Variants in FUBP1 observed in about 807,000 individuals in gnomAD.
FUBP1 encodes far upstream element-binding protein 1.
A neutral mutation model predicts 94.9 loss-of-function variants in FUBP1; 16 were observed. That is an observed-to-expected ratio of 0.17 (90% CI 0.11 to 0.26). FUBP1 has a LOEUF of 0.26. Ranked by LOEUF, FUBP1 falls within the 10% of genes least tolerant of loss-of-function variation. The pLI is 1.00. For missense variants in FUBP1, 583 were observed against 808.6 expected (o/e 0.72, Z 3.38); for synonymous variants, 279 against 254.9 (o/e 1.09, Z -0.90).
At chr1:77,976,961 T>G (rs146502909) in intron 1 of FUBP1, among the ~76,000 whole-genome samples, 2 of 152,196 alleles carry the variant, frequency 1.3e-5, no homozygotes, top group African/African-American at 4.8e-5. Flanking sequence ...GCATGCTGCT[T>G]CTTTTCTTCA....
intron 18 of FUBP1, among the ~76,000 whole-genome samples, chr1:77,952,995 G>C (rs1482107474): frequency 6.6e-6 from 1 of 151,584 alleles, no homozygotes; most frequent in Admixed American, 6.6e-5. Context: ...AAAATTAGCT[G>C]GGTGTGGTTG....
At chr1:77,977,243 C>G (rs905294656) in intron 1 of FUBP1, among the ~76,000 whole-genome samples, 2 of 152,238 alleles carry the variant, frequency 1.3e-5, no homozygotes, top group Non-Finnish European at 2.9e-5. Flanking sequence ...CGCAGCGGCT[C>G]ACGCCTGTAA....
chr1:77,960,116 G>T (rs1021705819), intron 16 of FUBP1, 68 bp downstream of exon 16: 1 of 1,154,052 alleles, frequency 8.7e-7, no homozygotes, highest in African/African-American at 1.5e-5. Context: ...ATCAACACTA[G>T]AAAATTTAAT....
At chr1:77,968,021 G>A in intron 3 of FUBP1, 144 bp downstream of exon 3, 1 of 570,376 alleles carries the variant, frequency 1.8e-6, no homozygotes, top group Non-Finnish European at 3.1e-6. Context: ...GGAGAAAAAG[G>A]TATATATTTA....
rs562275231 is a variant in FUBP1 at position 77,968,104 on chromosome 1, C to T, written c.250+61G>A. The T allele has an allele frequency of 6.3e-6, 7 of 1,112,022 alleles. No homozygotes were observed. The South Asian group carries it at 7.2e-5, about 11-fold the overall frequency. 68.9% of individuals were successfully genotyped at this position (1,112,022 alleles called of 1,614,324 possible). A position where few individuals can be genotyped will look rare whatever the true frequency, so the allele number is the denominator to read the frequency against. On this transcript the variant is annotated intron_variant, in intron 3 of 19. Coordinates refer to ENST00000370768, the MANE Select transcript of FUBP1 (RefSeq NM_003902.5). ...CTTCAAAGATACCCAATAATATGAA[C>T]AAAATCTTAACATTGAAATTGTTAC...
chr1:77,962,323 C>T (rs763859919), intron 14 of FUBP1, among the ~76,000 whole-genome samples: 1 of 152,122 alleles, frequency 6.6e-6, no homozygotes, highest in Non-Finnish European at 1.5e-5. Flanking sequence ...CATTTTAATA[C>T]CCCCAGATGA....
At chr1:77,949,445 AAC>A in intron 18 of FUBP1, 145 bp from the exon 19 acceptor site, 1 of 609,038 alleles carries the variant, frequency 1.6e-6, no homozygotes, top group Non-Finnish European at 2.8e-6. Flanking sequence ...CAAAAAAAAA[AAC>A]CCCTAAACTT....
At chr1:77,953,617 T>C (rs1653918972) in intron 18 of FUBP1, among the ~76,000 whole-genome samples, 1 of 152,156 alleles carries the variant, frequency 6.6e-6, no homozygotes. Flanking sequence ...TATTTAATTA[T>C]TTCTATGCCA....
chr1:77,971,001 C>T (rs1438975394), intron 1 of FUBP1, among the ~76,000 whole-genome samples: 1 of 151,976 alleles, frequency 6.6e-6, no homozygotes, highest in African/African-American at 2.4e-5. Flanking sequence ...CAATATCATG[C>T]CCCTCTTGGA....
intron 2 of FUBP1, among the ~76,000 whole-genome samples, chr1:77,969,271 G>A (rs1657068656): frequency 1.3e-5 from 2 of 151,984 alleles, no homozygotes; most frequent in South Asian, 4.1e-4. Context: ...TTAAAAAAAA[G>A]GGTAAAAAGA....
intron 18 of FUBP1, among the ~76,000 whole-genome samples, chr1:77,953,423 G>A (rs569517492): frequency 3.0e-4 from 46 of 152,182 alleles, no homozygotes; most frequent in African/African-American, 9.4e-4. Context: ...CCTGGGAGGC[G>A]GAGGTTGCAG....
At chr1:77,977,984 T>TA (rs35273421) in intron 1 of FUBP1, among the ~76,000 whole-genome samples, 42 of 152,322 alleles carry the variant, frequency 2.8e-4, no homozygotes, top group African/African-American at 9.4e-4. Context: ...TTAAAACTAG[T>TA]AAAAAATGCC....
At position 77,948,705 on chromosome 1, in the gene FUBP1, T is replaced by C. The variant is rs868523422; in HGVS notation, c.*61A>G. On this transcript the variant is annotated 3_prime_UTR_variant, in exon 20 of 20. Coordinates refer to ENST00000370768, the MANE Select transcript of FUBP1 (RefSeq NM_003902.5). ...CTTCATCAAGTCGTCTGCATCCATA[T>C]ATTTAACAAAGGTTTTTTTCCCCCA... 4 of 1,581,542 alleles carry C rather than the reference T, an allele frequency of 2.5e-6. No homozygotes were observed. The South Asian group carries it at 3.6e-5, about 14-fold the overall frequency.
At chr1:77,978,392 T>TA (rs1005396655) in intron 1 of FUBP1, among the ~76,000 whole-genome samples, 5 of 152,242 alleles carry the variant, frequency 3.3e-5, no homozygotes, top group African/African-American at 1.2e-4. Context: ...CCCTTCCTTG[T>TA]AGAGGTGTGA....
At chr1:77,963,450 T>A in intron 13 of FUBP1, 124 bp downstream of exon 13, 1 of 564,748 alleles carries the variant, frequency 1.8e-6, no homozygotes, top group Non-Finnish European at 3.2e-6. Flanking sequence ...CATATTAACA[T>A]AAGAATTCTT....
In FUBP1 at chr1:77,960,200, C is replaced by A; in HGVS notation, c.1560G>T (p.Gln520His). 6.2e-7 allele frequency: 1 copy of A among 1,610,518 alleles called. No homozygotes were observed. The highest frequency in any genetic ancestry group is 8.5e-7 in the Non-Finnish European group (1 of 1,177,328). ...WGNAYPHWQQ[Q>H]APPDPAKAGT... ...ATCTTCTACCTGGATCAGGAGGAGC[C>A]TGCTGCTGCCAGTGTGGATATGCAT... Residue 520 changes from glutamine to histidine, a missense_variant, in exon 16 of 20, where the codon CAG becomes CAT. Physicochemically the swap from Gln to His is conservative, Grantham distance 24 (BLOSUM62 0). Transcript: ENST00000370768.
Position 77,947,712 on chromosome 1 carries a change from TAAAA to T in FUBP1, c.*1050_*1053del. 1.8e-6 allele frequency: 1 copy of T among 549,524 alleles called. No individual in the cohort carries two copies. Among genetic ancestry groups the T allele is most frequent in the Non-Finnish European group, 3.0e-6 (1 of 329,028 alleles). The allele number at this position is 549,524 out of a possible 1,614,324, so 34.0% of individuals were successfully genotyped here. On this transcript the variant is annotated 3_prime_UTR_variant, in exon 20 of 20. Transcript: ENST00000370768. ...GAGTAATAAAATGACTTCAAGTACA[TAAAA>T]AAATTAAGTTGATTCAATGATTGGA... is the stretch of plus-strand genomic sequence containing the variant.
Position 77,948,244 on chromosome 1 carries a change from C to T in FUBP1, c.*522G>A. On this transcript the variant is annotated 3_prime_UTR_variant, in exon 20 of 20. Coordinates refer to ENST00000370768, the MANE Select transcript of FUBP1 (RefSeq NM_003902.5). ...AATACAATAAATGGAAAAGATCCTC[C>T]AATCTACCACTATACTGCAAGGGGG... 3.8e-6 allele frequency: 4 copies of T among 1,054,720 alleles called. No individual in the cohort carries two copies. Among genetic ancestry groups the T allele is most frequent in the Non-Finnish European group, 4.6e-6 (4 of 872,402 alleles). 65.3% of individuals were successfully genotyped at this position (1,054,720 alleles called of 1,614,324 possible). A position where few individuals can be genotyped will look rare whatever the true frequency, so the allele number is the denominator to read the frequency against.
chr1:77,962,774 A>G lies in FUBP1; in HGVS notation c.1340T>C (p.Ile447Thr), dbSNP rs2102373774. 6.2e-7 allele frequency: 1 copy of G among 1,609,180 alleles called. No individual in the cohort carries two copies. Residue 447 changes from isoleucine (I) to threonine (T), a missense_variant, in exon 14 of 20, where the codon ATT (isoleucine) becomes ACT (threonine). Ile to Thr is a moderately conservative substitution (Grantham distance 89). Coordinates refer to ENST00000370768, the MANE Select transcript of FUBP1 (RefSeq NM_003902.5). The stretch of plus-strand genomic sequence containing the variant: ...AAAAGTTTAAAGTATACTCACACCA[A>G]TCTTTTCTTCTATGAGTTGCCGAGC... Reference protein sequence around the residue: ...DYARQLIEEKIGGPVNPLGPP... With the variant: ...DYARQLIEEKTGGPVNPLGPP...
Sources: gnomAD v4.1 joint callset for allele counts (sites outside exome capture counted in the v4.1 genomes callset) on GRCh38, gnomAD v4.1.1 for gene constraint, MANE v1.5 for transcripts, NCBI Gene and HGNC (gene_info 2026-07-23, HGNC 2026-07-21) for gene names.